SORCS1: variants seen among roughly 807,000 people sequenced by gnomAD.
The protein encoded by SORCS1 is sortilin related VPS10 domain containing receptor 1, also known as VPS10 domain-containing receptor SorCS1.
Under a neutral mutation model 146.1 loss-of-function variants are expected in SORCS1, and 60 were observed. The ratio of observed to expected loss-of-function variants is 0.41; its 90% CI spans 0.33 to 0.51. The LOEUF is 0.51. Among genes scored for constraint, SORCS1 ranks in the 20% least tolerant of loss-of-function variants. The probability of loss-of-function intolerance (pLI) is 0.21; values close to 1 mark genes in which losing one functional copy is unlikely to be tolerated. For missense variants in SORCS1, 1,352 were observed against 1,487.6 expected, an observed-to-expected ratio of 0.91 and a Z score of 1.50; for synonymous variants, 637 against 584.0, an observed-to-expected ratio of 1.09 and a Z score of -1.31.
At chr10:106,808,572 G>T (rs1360663433) in intron 3 of SORCS1, among the ~76,000 whole-genome samples, 1 of 151,830 alleles carries the variant, frequency 6.6e-6, no homozygotes, top group East Asian at 1.9e-4. Flanking sequence ...GCGTGATCTC[G>T]GCTCACTGCA....
At chr10:106,591,146 T>C (rs1466080375) in intron 24 of SORCS1, among the ~76,000 whole-genome samples, 3 of 152,158 alleles carry the variant, frequency 2.0e-5, no homozygotes, top group African/African-American at 4.8e-5. Context: ...ACTGAAACCA[T>C]GTCTTCCAGT....
intron 1 of SORCS1, among the ~76,000 whole-genome samples, chr10:107,091,040 T>C (rs539031980): frequency 6.8e-4 from 103 of 152,178 alleles, no homozygotes; most frequent in African/African-American, 2.4e-3. Flanking sequence ...CTCCATGAGG[T>C]GTCTAGAGGA....
intron 2 of SORCS1, among the ~76,000 whole-genome samples, chr10:106,948,990 G>A (rs1329945024): frequency 2.0e-5 from 3 of 151,990 alleles, no homozygotes. Context: ...AATTGTGTAA[G>A]TTCAGGAACC....
chr10:106,676,717 T>G (rs754901550), intron 13 of SORCS1, among the ~76,000 whole-genome samples: 85 of 152,266 alleles, frequency 5.6e-4, no homozygotes, highest in Non-Finnish European at 9.3e-4. Context: ...GGCCCAACTG[T>G]CCCATAGAAC....
At chr10:106,978,874 C>T (rs534751614) in intron 1 of SORCS1, among the ~76,000 whole-genome samples, 10 of 151,932 alleles carry the variant, frequency 6.6e-5, no homozygotes, top group African/African-American at 2.4e-4. Flanking sequence ...CTTCTCAATG[C>T]TGCAGTTGTA....
chr10:106,929,906 G>C (rs1317255818), intron 2 of SORCS1, among the ~76,000 whole-genome samples: 1 of 152,180 alleles, frequency 6.6e-6, no homozygotes. Context: ...GGCATAAAAT[G>C]AATGCTTGCT....
chr10:106,686,069 G>A (rs567133015), intron 10 of SORCS1, among the ~76,000 whole-genome samples: 2 of 152,072 alleles, frequency 1.3e-5, no homozygotes, highest in East Asian at 1.9e-4. Context: ...TCTTAAAATC[G>A]GTATGTAAGT....
chr10:106,676,858 A>C (rs1477024688), intron 13 of SORCS1, among the ~76,000 whole-genome samples: 2 of 152,186 alleles, frequency 1.3e-5, no homozygotes, highest in East Asian at 3.9e-4. Flanking sequence ...GGTAGTATCA[A>C]GGAGCTGAAA....
intron 2 of SORCS1, among the ~76,000 whole-genome samples, chr10:106,903,718 G>C (rs901803690): frequency 1.3e-5 from 2 of 152,170 alleles, no homozygotes; most frequent in African/African-American, 4.8e-5. Flanking sequence ...GTAGGACAAA[G>C]GGATCAAATT....
Position 106,926,870 on chromosome 10 carries a change from G to C in SORCS1, c.626+29643C>G, listed in dbSNP as rs199846429. Among the ~76,000 whole-genome samples the C allele has an allele frequency of 4.4e-3, 367 of 83,400 alleles. 2 individuals carry two copies. Among genetic ancestry groups the C allele is most frequent in the East Asian group, 0.019 (49 of 2,556 alleles). 54.7% of individuals were successfully genotyped at this position (83,400 alleles called of 152,430 possible). ...ACACACACACACACACACACACAGA[G>C]AGAGAGAGAGAGAGAGAGAGAGAGA... On this transcript the variant is annotated intron_variant, in intron 2 of 25. Coordinates refer to ENST00000263054, the MANE Select transcript of SORCS1 (RefSeq NM_052918.5).
chr10:106,813,917 CACTCCAGCTGAG>C (rs1177914748), intron 3 of SORCS1, among the ~76,000 whole-genome samples: 4 of 152,192 alleles, frequency 2.6e-5, no homozygotes, highest in African/African-American at 9.7e-5. Flanking sequence ...CACACCACTG[CACTCCAGCTGAG>C]GCTACAGAGT....
intron 1 of SORCS1, among the ~76,000 whole-genome samples, chr10:107,104,520 C>T (rs1679966969): frequency 6.6e-6 from 1 of 152,122 alleles, no homozygotes; most frequent in African/African-American, 2.4e-5. Flanking sequence ...CTCTACTGTA[C>T]ACACGTGGAC....
intron 1 of SORCS1, among the ~76,000 whole-genome samples, chr10:106,983,887 G>A (rs1315260607): frequency 6.6e-6 from 1 of 152,122 alleles, no homozygotes; most frequent in Admixed American, 6.5e-5. Flanking sequence ...CATAATTCTT[G>A]TTACCTTTAA....
intron 1 of SORCS1, among the ~76,000 whole-genome samples, chr10:107,155,294 C>A (rs1020073050): frequency 6.6e-6 from 1 of 152,134 alleles, no homozygotes; most frequent in Non-Finnish European, 1.5e-5. Context: ...TGGAAGAAGT[C>A]CATGGACTCT....
intron 1 of SORCS1, among the ~76,000 whole-genome samples, chr10:107,053,716 G>T (rs143543709): frequency 3.3e-5 from 5 of 152,110 alleles, no homozygotes; most frequent in African/African-American, 9.7e-5. Flanking sequence ...AGCAAAATAC[G>T]TTTCATTATA....
At chr10:107,051,735 T>C (rs577032577) in intron 1 of SORCS1, among the ~76,000 whole-genome samples, 2 of 152,298 alleles carry the variant, frequency 1.3e-5, no homozygotes, top group East Asian at 3.9e-4. Context: ...CATTTTCAGA[T>C]ACATTAATAA....
At chr10:106,698,314 C>G (rs771266495) in intron 9 of SORCS1, among the ~76,000 whole-genome samples, 9 of 152,194 alleles carry the variant, frequency 5.9e-5, no homozygotes, top group Non-Finnish European at 1.0e-4. Context: ...TGCTCTTGTT[C>G]TCAACTAAAT....
chr10:107,079,723 A>G (rs1012517406), intron 1 of SORCS1, among the ~76,000 whole-genome samples: 2 of 152,172 alleles, frequency 1.3e-5, no homozygotes, highest in African/African-American at 4.8e-5. Context: ...TGAGTCAATC[A>G]ATCTGACTAG....
rs531757851 is a variant in SORCS1, at chr10:107,004,747, C to T, written c.559-48167G>A. ...TACAATACTCTTCTATAGGTCCATA[C>T]TTTGGGCTGCAGGCTGGCATCATTA... On this transcript the variant is annotated intron_variant, in intron 1 of 25. Transcript: ENST00000263054. 7.4e-4 allele frequency among the ~76,000 whole-genome samples: 112 copies of T among 152,276 alleles called. 1 individual carries two copies. Among genetic ancestry groups the T allele is most frequent in the Middle Eastern group, 3.4e-3 (1 of 294 alleles).
Sources: allele counts gnomAD v4.1 joint callset (sites outside exome capture counted in the v4.1 genomes callset), GRCh38; gene constraint gnomAD v4.1.1; transcripts MANE v1.5; gene names NCBI Gene and HGNC (gene_info 2026-07-23, HGNC 2026-07-21).